Variants in LOC128462377 observed in about 807,000 individuals in gnomAD.
chr16:89,407,604 T>C, the LOC128462377 span, among the ~76,000 whole-genome samples: 4,340 of 152,250 alleles, frequency 0.029, 212 homozygotes, highest in African/African-American at 0.1. Context: ...GTGGATTGCT[T>C]GAGTTCAGGA....
chr16:89,399,995 G>A, the LOC128462377 span, among the ~76,000 whole-genome samples: 3 of 150,484 alleles, frequency 2.0e-5, no homozygotes, highest in Non-Finnish European at 3.0e-5. Flanking sequence ...GCTGGGGGCC[G>A]GTCATCTGCT....
chr16:89,380,396 G>C, the LOC128462377 span, among the ~76,000 whole-genome samples: 1 of 152,180 alleles, frequency 6.6e-6, no homozygotes, highest in African/African-American at 2.4e-5. Context: ...ACAGGTGTGA[G>C]CCACTGTGCC....
At chr16:89,354,005 C>T in the LOC128462377 span, among the ~76,000 whole-genome samples, 1 of 152,116 alleles carries the variant, frequency 6.6e-6, no homozygotes, top group African/African-American at 2.4e-5. Flanking sequence ...AGCTGAATGC[C>T]CCAAGTCTGT....
chr16:89,394,053 C>T, the LOC128462377 span, among the ~76,000 whole-genome samples: 2 of 152,194 alleles, frequency 1.3e-5, no homozygotes, highest in Non-Finnish European at 2.9e-5. Flanking sequence ...CTGCAGCTCA[C>T]AGGGTGCTCC....
At chr16:89,410,627 T>G in the LOC128462377 span, among the ~76,000 whole-genome samples, 5 of 152,242 alleles carry the variant, frequency 3.3e-5, no homozygotes, top group East Asian at 7.7e-4. Flanking sequence ...CCTGCTGACG[T>G]GCTGACACCA....
At chr16:89,320,243 G>A in the LOC128462377 span, 9 of 152,288 alleles carry the variant, frequency 5.9e-5, no homozygotes, top group East Asian at 1.9e-4. Context: ...CTGCACAGCC[G>A]ACCACACAAC....
At chr16:89,322,895 G>A in the LOC128462377 span, among the ~76,000 whole-genome samples, 1 of 152,236 alleles carries the variant, frequency 6.6e-6, no homozygotes, top group Non-Finnish European at 1.5e-5. Flanking sequence ...CCAGGCTGGA[G>A]TGCAGCGGTG....
At chr16:89,411,997 G>C in the LOC128462377 span, among the ~76,000 whole-genome samples, 1 of 113,800 alleles carries the variant, frequency 8.8e-6, no homozygotes, top group Non-Finnish European at 1.8e-5. Flanking sequence ...ATGCCTCCCA[G>C]AGTCTCCTGG....
At chr16:89,356,640 G>T in the LOC128462377 span, among the ~76,000 whole-genome samples, 3 of 151,208 alleles carry the variant, frequency 2.0e-5, no homozygotes, top group African/African-American at 7.3e-5. Context: ...AATTAGCCAG[G>T]CGTGGTGGTG....
chr16:89,343,086 T>A, the LOC128462377 span, among the ~76,000 whole-genome samples: 2 of 152,316 alleles, frequency 1.3e-5, no homozygotes, highest in South Asian at 4.2e-4. Flanking sequence ...AGTGGTGCGA[T>A]CTCGGCTCAC....
chr16:89,352,368 A>G, the LOC128462377 span, among the ~76,000 whole-genome samples: 1 of 151,496 alleles, frequency 6.6e-6, no homozygotes, highest in Non-Finnish European at 1.5e-5. Context: ...GCAATGTCTC[A>G]AGGCAGCCCC....
chr16:89,349,702 A>G, the LOC128462377 span, among the ~76,000 whole-genome samples: 1 of 152,174 alleles, frequency 6.6e-6, no homozygotes, highest in Non-Finnish European at 1.5e-5. Flanking sequence ...TGTAGAAGAA[A>G]ACTTGCTCTA....
the LOC128462377 span, chr16:89,317,118 C>A: frequency 7.7e-7 from 1 of 1,297,346 alleles, no homozygotes; most frequent in Non-Finnish European, 1.1e-6. Flanking sequence ...AATTCAGAGG[C>A]AGCTCAAAAC....
the LOC128462377 span, among the ~76,000 whole-genome samples, chr16:89,391,354 G>T: frequency 6.6e-6 from 1 of 152,128 alleles, no homozygotes; most frequent in Non-Finnish European, 1.5e-5. Context: ...AGTGCTGGCA[G>T]TCTTGCGGGA....
At chr16:89,414,398 C>T in the LOC128462377 span, among the ~76,000 whole-genome samples, 8 of 152,122 alleles carry the variant, frequency 5.3e-5, 1 homozygote, top group Admixed American at 2.0e-4. Context: ...CACTGGGAAC[C>T]GCGTGCTGGG....
the LOC128462377 span, among the ~76,000 whole-genome samples, chr16:89,323,605 G>A: frequency 0.031 from 1,114 of 35,934 alleles, 151 homozygotes; most frequent in African/African-American, 0.062. Context: ...GGCTGAGCCC[G>A]GGGCAGGGGA....
chr16:89,344,320 C>T, the LOC128462377 span, among the ~76,000 whole-genome samples: 1 of 152,138 alleles, frequency 6.6e-6, no homozygotes, highest in African/African-American at 2.4e-5. Flanking sequence ...TTCCACATGG[C>T]AAACAAAGAG....
At chr16:89,359,715 T>G in the LOC128462377 span, among the ~76,000 whole-genome samples, 1 of 152,198 alleles carries the variant, frequency 6.6e-6, no homozygotes, top group Non-Finnish European at 1.5e-5. Context: ...CAAGAGGCAT[T>G]TTCAACGGTC....
chr16:89,355,266 G>A, the LOC128462377 span, among the ~76,000 whole-genome samples: 38 of 150,708 alleles, frequency 2.5e-4, no homozygotes, highest in East Asian at 3.9e-3. Context: ...CTCGGAAGGC[G>A]GGCAGAGGGC....
Sources: gnomAD v4.1 joint callset for allele counts (sites outside exome capture counted in the v4.1 genomes callset) on GRCh38, gnomAD v4.1.1 for gene constraint, MANE v1.5 for transcripts.